Variants in IGF2BP2 observed in about 807,000 individuals in gnomAD.
The protein encoded by IGF2BP2 is insulin like growth factor 2 mRNA binding protein 2, also known as insulin-like growth factor 2 mRNA-binding protein 2.
Under a neutral mutation model 75.8 loss-of-function variants are expected in IGF2BP2, and 17 were observed. The ratio of observed to expected loss-of-function variants is 0.22; its 90% CI spans 0.15 to 0.34. The LOEUF is 0.34. IGF2BP2 is among the 10% of genes least tolerant of loss of function. The pLI, the probability that IGF2BP2 is intolerant of heterozygous loss-of-function variation, is 1.00. For synonymous variants in IGF2BP2, 288 were observed against 295.6 expected (o/e 0.97, Z 0.26); for missense variants, 516 against 772.4 (o/e 0.67, Z 3.93).
At chr3:185,787,121 G>A (rs982666674) in intron 2 of IGF2BP2, among the ~76,000 whole-genome samples, 38 of 152,210 alleles carry the variant, frequency 2.5e-4, no homozygotes, top group Admixed American at 1.4e-3. Flanking sequence ...GGTGATGGCC[G>A]GAGGCTGGAA....
chr3:185,724,856 C>G (rs898624528), intron 2 of IGF2BP2: 1 of 152,214 alleles, frequency 6.6e-6, no homozygotes, highest in Non-Finnish European at 1.5e-5. Context: ...GTATTTCCTC[C>G]CCCTTGATAG....
chr3:185,692,676 GAAAT>G lies in IGF2BP2; in HGVS notation c.404+19_404+22del. 1.3e-6 allele frequency: 2 copies of G among 1,577,004 alleles called. No homozygotes were observed. Among genetic ancestry groups the G allele is most frequent in the Non-Finnish European group, 1.7e-6 (2 of 1,151,508 alleles). On this transcript the variant is annotated intron_variant, in intron 5 of 15. Coordinates refer to ENST00000382199, the MANE Select transcript of IGF2BP2 (RefSeq NM_006548.6). Reference sequence around the variant, plus strand: ...ATATAAAAACAAATAAATTTAAACAGAAATAAGCCCAAATCTGCTTACATTTTTG... The same window carrying G: ...ATATAAAAACAAATAAATTTAAACAGAAGCCCAAATCTGCTTACATTTTTG...
chr3:185,811,867 TCTCTCTCTCTCCCC>T (rs1336580606), intron 2 of IGF2BP2, among the ~76,000 whole-genome samples: 10 of 59,984 alleles, frequency 1.7e-4, no homozygotes, highest in Non-Finnish European at 8.7e-5. Context: ...TCTCTCTCTC[TCTCTCTCTCTCCCC>T]CTCTCCCTGC....
At chr3:185,821,318 A>G (rs1483415348) in intron 2 of IGF2BP2, among the ~76,000 whole-genome samples, 2 of 152,214 alleles carry the variant, frequency 1.3e-5, no homozygotes, top group East Asian at 3.8e-4. Flanking sequence ...GGTATTTCAC[A>G]TCGCCCACAT....
At chr3:185,813,256 A>G (rs114802850) in intron 2 of IGF2BP2, among the ~76,000 whole-genome samples, 2 of 152,358 alleles carry the variant, frequency 1.3e-5, no homozygotes, top group African/African-American at 4.8e-5. Flanking sequence ...AAAAAATAAT[A>G]AACAGCCAAA....
rs751902726 is a variant in IGF2BP2 at position 185,647,132 on chromosome 3, C to T, written c.1600G>A (p.Glu534Lys). The T allele has an allele frequency of 2.5e-6, 4 of 1,613,306 alleles. No homozygotes were observed. In the South Asian group the frequency reaches 3.3e-5, roughly 13 times the overall value. ...TCTGCACTGGTTAAGTTCTGCAGTT[C>T]GTTCACCTGTGAAGGGAGAAACGGC... is the stretch of plus-strand genomic sequence containing the variant. ...VIGKGGKTVN[E>K]LQNLTSAEVI... Residue 534 changes from glutamate (E) to lysine (K), a missense_variant, in exon 15 of 16, where the codon GAA becomes AAA. By Grantham distance (56) the Glu-to-Lys change is moderately conservative. Coordinates refer to ENST00000382199, the MANE Select transcript of IGF2BP2 (RefSeq NM_006548.6). The surrounding 1 kb of genome is among the most constrained non-coding windows in gnomAD (Gnocchi z 4.9).
At chr3:185,661,225 ACTACCT>A (rs1398311009) in intron 10 of IGF2BP2, among the ~76,000 whole-genome samples, 2 of 152,228 alleles carry the variant, frequency 1.3e-5, no homozygotes, top group African/African-American at 2.4e-5. Flanking sequence ...TCTCTGAATC[ACTACCT>A]CTACAAGTTG....
rs565774903 is a variant in IGF2BP2 at position 185,802,336 on chromosome 3, G to A, written c.239+20817C>T. 1.4e-3 allele frequency among the ~76,000 whole-genome samples: 214 copies of A among 152,280 alleles called. 1 individual carries two copies. The highest frequency in any genetic ancestry group is 5.1e-3 in the African/African-American group (211 of 41,568). On this transcript the variant is annotated intron_variant, in intron 2 of 15. Coordinates refer to ENST00000382199, the MANE Select transcript of IGF2BP2 (RefSeq NM_006548.6). ...CCAAGACATGTTCTTGACTAATTAC[G>A]GTAATACCTAAGGCTGGTGTTGGAA...
chr3:185,741,496 T>C (rs576896454), intron 2 of IGF2BP2, among the ~76,000 whole-genome samples: 270 of 152,306 alleles, frequency 1.8e-3, no homozygotes, highest in Non-Finnish European at 2.5e-3. Flanking sequence ...AAAGAATGAA[T>C]GGGTATCAGT....
intron 2 of IGF2BP2, among the ~76,000 whole-genome samples, chr3:185,786,922 T>C (rs983398935): frequency 6.6e-6 from 1 of 152,190 alleles, no homozygotes; most frequent in Non-Finnish European, 1.5e-5. Flanking sequence ...ATATTCTTCT[T>C]TATTTTTTGT....
intron 2 of IGF2BP2, among the ~76,000 whole-genome samples, chr3:185,736,010 T>G (rs1728807768): frequency 6.6e-6 from 1 of 152,206 alleles, no homozygotes; most frequent in Non-Finnish European, 1.5e-5. Context: ...GCTGGACCAC[T>G]CCAGTAAGGC....
chr3:185,710,981 A>C (rs1341263782), intron 2 of IGF2BP2, among the ~76,000 whole-genome samples: 3 of 152,160 alleles, frequency 2.0e-5, no homozygotes, highest in African/African-American at 7.2e-5. Context: ...CTCAAACCTA[A>C]TGTCACGTGA....
intron 2 of IGF2BP2, among the ~76,000 whole-genome samples, chr3:185,701,774 C>T (rs568168474): frequency 3.9e-4 from 60 of 152,258 alleles, no homozygotes; most frequent in Non-Finnish European, 6.0e-4. Context: ...GAACTGAGAG[C>T]TAAAAAGAGA....
chr3:185,783,726 G>A (rs927442028), intron 2 of IGF2BP2, among the ~76,000 whole-genome samples: 4 of 152,088 alleles, frequency 2.6e-5, no homozygotes, highest in African/African-American at 9.7e-5. Context: ...GATGGGGTGG[G>A]GATACAGAAT....
intron 2 of IGF2BP2, among the ~76,000 whole-genome samples, chr3:185,790,817 A>T (rs1411419364): frequency 6.6e-6 from 1 of 152,226 alleles, no homozygotes; most frequent in East Asian, 1.9e-4. Flanking sequence ...ACCTTTCAAA[A>T]ATATCTCAAG....
chr3:185,711,924 A>ACTC (rs1724858543), intron 2 of IGF2BP2, among the ~76,000 whole-genome samples: 1 of 152,114 alleles, frequency 6.6e-6, no homozygotes, highest in South Asian at 2.1e-4. Context: ...ATGAGAAAGT[A>ACTC]CTCCACAAAC....
chr3:185,730,117 C>T (rs1428769636), intron 2 of IGF2BP2, among the ~76,000 whole-genome samples: 1 of 152,124 alleles, frequency 6.6e-6, no homozygotes, highest in African/African-American at 2.4e-5. Context: ...TTAGCCCTCA[C>T]CCCACTCCCA....
At chr3:185,779,651 T>C (rs1385866328) in intron 2 of IGF2BP2, among the ~76,000 whole-genome samples, 2 of 152,178 alleles carry the variant, frequency 1.3e-5, no homozygotes, top group Non-Finnish European at 2.9e-5. Flanking sequence ...CCAAACTTAC[T>C]GAGTCACAAT....
Position 185,647,019 on chromosome 3 carries a change from C to T in IGF2BP2, c.1707+6G>A. ...CAGGAGAGACAGGGCCCTCACAGCA[C>T]AGTACCTGGCTAGCAAAGAAGTGCC... On this transcript the variant is annotated splice_donor_region_variant and intron_variant, in intron 15 of 15. Coordinates refer to ENST00000382199, the MANE Select transcript of IGF2BP2 (RefSeq NM_006548.6). This position sits in a 1 kb window ranked among gnomAD's most constrained non-coding sequence, Gnocchi z 4.9. 1 of 1,602,854 alleles carries T rather than the reference C, an allele frequency of 6.2e-7. No homozygotes were observed. The highest frequency in any genetic ancestry group is 1.1e-5 in the South Asian group (1 of 90,812).
Sources: allele counts gnomAD v4.1 joint callset (sites outside exome capture counted in the v4.1 genomes callset), GRCh38; gene constraint gnomAD v4.1.1; non-coding constraint Gnocchi (gnomAD v3.1); transcripts MANE v1.5; gene names NCBI Gene and HGNC (gene_info 2026-07-23, HGNC 2026-07-21).